Variants in MAML1 observed in about 807,000 individuals in gnomAD.
MAML1 encodes the protein mastermind-like protein 1.
In MAML1, 14 loss-of-function variants were observed where a neutral mutation model predicts 77.1. That is an observed-to-expected ratio of 0.18 (90% CI 0.12 to 0.28). The LOEUF is 0.28. Among genes scored for constraint, MAML1 ranks in the 10% least tolerant of loss-of-function variants. The pLI is 1.00. For synonymous variants in MAML1, 516 were observed against 551.9 expected (o/e 0.93, Z 0.91); for missense variants, 1,217 against 1,327.8 (o/e 0.92, Z 1.30).
At chr5:179,748,950 GTT>G (rs71276885) in intron 1 of MAML1, among the ~76,000 whole-genome samples, 18 of 107,990 alleles carry the variant, frequency 1.7e-4, no homozygotes, top group Admixed American at 5.5e-4. Context: ...AGGTGTTTTT[GTT>G]TTTTTTTTTT....
At position 179,737,342 on chromosome 5, in the gene MAML1, C is replaced by T. The variant is rs184066830; in HGVS notation, c.315+3915C>T. On this transcript the variant is annotated intron_variant, in intron 1 of 4. Coordinates refer to ENST00000292599, the MANE Select transcript of MAML1 (RefSeq NM_014757.5). ...CTCTTTGGCCTTGGAATGGGGTCAT[C>T]GGAACAGAAGATAAGTATCATTAAG... 1.2e-4 allele frequency among the ~76,000 whole-genome samples: 18 copies of T among 152,170 alleles called. No homozygotes were observed. In the East Asian group the frequency reaches 1.4e-3, roughly 11 times the overall value.
At chr5:179,759,527 A>G (rs1266842525) in intron 1 of MAML1, among the ~76,000 whole-genome samples, 1 of 152,236 alleles carries the variant, frequency 6.6e-6, no homozygotes, top group African/African-American at 2.4e-5. Flanking sequence ...GTGCTTTATC[A>G]AATTAACAAG....
At chr5:179,767,042 C>T (rs977298668) in intron 2 of MAML1, among the ~76,000 whole-genome samples, 1 of 150,110 alleles carries the variant, frequency 6.7e-6, no homozygotes, top group Admixed American at 6.6e-5. Context: ...AAGTAATTTG[C>T]GACTGTGTTT....
rs1756138667 is a variant in MAML1, at chr5:179,776,631, T to C, written c.*1754T>C. The C allele has an allele frequency of 5.1e-6, 5 of 985,644 alleles. No individual in the cohort carries two copies. The South Asian group carries it at 2.3e-4, about 46-fold the overall frequency. 61.1% of individuals were successfully genotyped at this position (985,644 alleles called of 1,614,324 possible). ...AGGGGAAGAGGGTGACCTCAGCGGC[T>C]TTTCTCCCAAAAATCGGCTGAAGGC... On this transcript the variant is annotated 3_prime_UTR_variant, in exon 5 of 5. Coordinates refer to ENST00000292599, the MANE Select transcript of MAML1 (RefSeq NM_014757.5).
At chr5:179,767,288 C>T (rs751877065) in intron 2 of MAML1, among the ~76,000 whole-genome samples, 5 of 152,098 alleles carry the variant, frequency 3.3e-5, no homozygotes, top group South Asian at 2.1e-4. Context: ...TCCTGTTTTC[C>T]GCTAGTGCAG....
chr5:179,773,705 C>G, intron 4 of MAML1, 190 bp from the exon 5 acceptor site: 1 of 981,762 alleles, frequency 1.0e-6, no homozygotes, highest in Non-Finnish European at 1.2e-6. Context: ...TCCTCTGTGC[C>G]TTTCTGAACC....
rs1025385742 is a variant in MAML1, at chr5:179,777,030, G to A, written c.*2153G>A. On this transcript the variant is annotated 3_prime_UTR_variant, in exon 5 of 5. Coordinates refer to ENST00000292599, the MANE Select transcript of MAML1 (RefSeq NM_014757.5). The stretch of plus-strand genomic sequence containing the variant: ...TATGAAAGATGGAATAAGCGCTAGA[G>A]CTTCCAACTGTATATTTTTTACTTT... 1 of 984,006 alleles carries A rather than the reference G, an allele frequency of 1.0e-6. No homozygotes were observed. Among genetic ancestry groups the A allele is most frequent in the African/African-American group, 1.7e-5 (1 of 57,302 alleles). 61.0% of individuals were successfully genotyped at this position (984,006 alleles called of 1,614,324 possible). A position where few individuals can be genotyped will look rare whatever the true frequency, so the allele number is the denominator to read the frequency against.
At chr5:179,749,011 G>T (rs1022960544) in intron 1 of MAML1, among the ~76,000 whole-genome samples, 1 of 151,878 alleles carries the variant, frequency 6.6e-6, no homozygotes, top group Non-Finnish European at 1.5e-5. Flanking sequence ...TGTCGCCCGG[G>T]CTGGAATTCA....
At chr5:179,759,246 C>T (rs553207884) in intron 1 of MAML1, among the ~76,000 whole-genome samples, 172 of 152,166 alleles carry the variant, frequency 1.1e-3, no homozygotes, top group Non-Finnish European at 2.2e-3. Context: ...AGTCTGTCGG[C>T]AGCAGACCCC....
chr5:179,769,126 C>G lies in MAML1; in HGVS notation c.1971+37C>G. On this transcript the variant is annotated intron_variant, in intron 3 of 4. Coordinates refer to ENST00000292599, the MANE Select transcript of MAML1 (RefSeq NM_014757.5). This position sits in a 1 kb window ranked among gnomAD's most constrained non-coding sequence, Gnocchi z 4.2. ...AGTGGAAGGAAACCACCGCTTCCCA[C>G]CTTTGCCTGCACCCTGCGTCACTGC... 1 of 1,609,846 alleles carries G rather than the reference C, an allele frequency of 6.2e-7. No individual in the cohort carries two copies. The highest frequency in any genetic ancestry group is 8.5e-7 in the Non-Finnish European group (1 of 1,177,452).
At chr5:179,755,841 T>C (rs1301996511) in intron 1 of MAML1, among the ~76,000 whole-genome samples, 1 of 151,766 alleles carries the variant, frequency 6.6e-6, no homozygotes, top group Admixed American at 6.6e-5. Flanking sequence ...CTCAGCTCAC[T>C]GCAACCTCTA....
rs1554150144 is a variant in MAML1, at chr5:179,752,350, A to AAAAAAAAAAATAT, written c.316-12975_316-12974insAAAAAAAAATATA. ...CAAAAAAAAAAAAAAAAAAAAAAAA[A>AAAAAAAAAAATAT]ATATATATATATATATGGTTAAATA... On this transcript the variant is annotated intron_variant, in intron 1 of 4. Coordinates refer to ENST00000292599, the MANE Select transcript of MAML1 (RefSeq NM_014757.5). Among the ~76,000 whole-genome samples the AAAAAAAAAAATAT allele has an allele frequency of 1.2e-4, 8 of 66,716 alleles. 1 individual carries two copies. The highest frequency in any genetic ancestry group is 4.7e-4 in the African/African-American group (7 of 14,814). The allele number at this position is 66,716 out of a possible 152,430, so 43.8% of individuals were successfully genotyped here. A position where few individuals can be genotyped will look rare whatever the true frequency, so the allele number is the denominator to read the frequency against.
At chr5:179,768,192 C>T (rs1189915234) in intron 2 of MAML1, among the ~76,000 whole-genome samples, 1 of 152,234 alleles carries the variant, frequency 6.6e-6, no homozygotes, top group Non-Finnish European at 1.5e-5. Context: ...TGCAGTGGCT[C>T]ATGCCTGTAA....
intron 1 of MAML1, among the ~76,000 whole-genome samples, chr5:179,758,469 C>T (rs183826047): frequency 6.7e-4 from 102 of 151,316 alleles, no homozygotes; most frequent in African/African-American, 2.0e-3. Flanking sequence ...CATGGCTCAC[C>T]GCAGTCTCCC....
At chr5:179,734,802 C>A (rs1221669301) in intron 1 of MAML1, among the ~76,000 whole-genome samples, 1 of 152,140 alleles carries the variant, frequency 6.6e-6, no homozygotes, top group East Asian at 1.9e-4. Flanking sequence ...CTGGGATCAA[C>A]CACAGCTGCA....
intron 2 of MAML1, 132 bp from the exon 3 acceptor site, chr5:179,768,718 A>G: frequency 8.7e-7 from 1 of 1,143,534 alleles, no homozygotes; most frequent in Non-Finnish European, 1.3e-6. Flanking sequence ...GCCCTGTGGG[A>G]TGGTTGTTAT....
Position 179,733,104 on chromosome 5 carries a change from C to T in MAML1, c.-9C>T. On this transcript the variant is annotated 5_prime_UTR_variant, in exon 1 of 5. Coordinates refer to ENST00000292599, the MANE Select transcript of MAML1 (RefSeq NM_014757.5). ...CGGCCCCGGGCCCGGCCCGTGCAGC[C>T]CGCGGCCCATGGTGCTGCCCACCTG... 1 of 1,385,188 alleles carries T rather than the reference C, an allele frequency of 7.2e-7. No homozygotes were observed. The highest frequency in any genetic ancestry group is 9.3e-7 in the Non-Finnish European group (1 of 1,070,892). The allele number at this position is 1,385,188 out of a possible 1,614,324, so 85.8% of individuals were successfully genotyped here. A position where few individuals can be genotyped will look rare whatever the true frequency, so the allele number is the denominator to read the frequency against.
intron 1 of MAML1, among the ~76,000 whole-genome samples, chr5:179,760,338 A>G (rs573095115): frequency 4.6e-5 from 7 of 152,168 alleles, no homozygotes; most frequent in African/African-American, 1.4e-4. Context: ...GATGTGGATG[A>G]TGGAGGAGAT....
At chr5:179,772,412 CG>C (rs1178055993) in intron 4 of MAML1, among the ~76,000 whole-genome samples, 1 of 152,116 alleles carries the variant, frequency 6.6e-6, no homozygotes, top group African/African-American at 2.4e-5. Context: ...CTACCGTGCC[CG>C]GCCCCAATTT....
Sources: gnomAD v4.1 joint callset for allele counts (sites outside exome capture counted in the v4.1 genomes callset) on GRCh38, gnomAD v4.1.1 for gene constraint, Gnocchi (gnomAD v3.1) non-coding constraint, MANE v1.5 for transcripts, NCBI Gene and HGNC (gene_info 2026-07-23, HGNC 2026-07-21) for gene names.